CDADC1: variants seen among roughly 807,000 people sequenced by gnomAD.
CDADC1 encodes cytidine and dCMP deaminase domain containing 1, also known as dCTP deaminase.
In CDADC1, 39 loss-of-function variants were observed where a neutral mutation model predicts 54.9. That is an observed-to-expected ratio of 0.71 (90% CI 0.55 to 0.93). The LOEUF (loss-of-function observed/expected upper bound fraction) is 0.93. CDADC1 is among the 40% of genes least tolerant of loss of function. The probability of loss-of-function intolerance (pLI) is 0.00; values close to 1 mark genes in which losing one functional copy is unlikely to be tolerated. For missense variants in CDADC1, 518 were observed against 618.8 expected (o/e 0.84, Z 1.73); for synonymous variants, 186 against 204.0 (o/e 0.91, Z 0.75).
At chr13:49,280,833 A>AT (rs376301531) in intron 8 of CDADC1, 135 bp downstream of exon 8, 1 of 177,944 alleles carries the variant, frequency 5.6e-6, no homozygotes, top group African/African-American at 3.0e-5. Flanking sequence ...TATTATTATT[A>AT]TTTTATTATT....
rs1217564894 is a variant in CDADC1, at chr13:49,291,695, A to C, written c.1483A>C (p.Arg495=). The change falls in exon 10 of 10, where the codon AGA becomes CGA. Residue 495 remains arginine (R), a synonymous_variant. Coordinates refer to ENST00000251108, the MANE Select transcript of CDADC1 (RefSeq NM_030911.4). ...ATTCTCAATGCTAGATGGTGTGTTGAGACCTGTCCCACAGAAGGAAGAGCA... is the reference window on the plus strand; with the variant it reads ...ATTCTCAATGCTAGATGGTGTGTTGCGACCTGTCCCACAGAAGGAAGAGCA... ...EPERRENGVL[R]PVPQKEEQHQ... is the part of the protein sequence containing the mutation. 3 of 1,614,022 alleles carry C rather than the reference A, an allele frequency of 1.9e-6. No homozygotes were observed. Among genetic ancestry groups the C allele is most frequent in the African/African-American group, 2.7e-5 (2 of 75,028 alleles).
Position 49,259,529 on chromosome 13 carries a change from T to C in CDADC1, c.430+6T>C. Reference sequence around the variant, plus strand: ...TTTGAAAATGATTGTAAATGGTAAGTGCAGAAAAGGGTTTGTTGGGGATTA... The same window carrying C: ...TTTGAAAATGATTGTAAATGGTAAGCGCAGAAAAGGGTTTGTTGGGGATTA... On this transcript the variant is annotated splice_donor_region_variant and intron_variant, in intron 4 of 9. Transcript: ENST00000251108. 1 of 1,613,080 alleles carries C rather than the reference T, an allele frequency of 6.2e-7. No homozygotes were observed. The highest frequency in any genetic ancestry group is 8.5e-7 in the Non-Finnish European group (1 of 1,179,150).
intron 4 of CDADC1, 60 bp downstream of exon 4, chr13:49,259,583 G>GT: frequency 6.6e-7 from 1 of 1,509,062 alleles, no homozygotes; most frequent in Non-Finnish European, 9.1e-7. Context: ...GGGCGTGGTG[G>GT]TTTATGCCTG....
At position 49,278,402 on chromosome 13, in the gene CDADC1, CT is replaced by C; in HGVS notation, c.1107del (p.Pro370LeufsTer21). 4 of 1,602,302 alleles carry C rather than the reference CT, an allele frequency of 2.5e-6. No individual in the cohort carries two copies. The highest frequency in any genetic ancestry group is 3.4e-6 in the Non-Finnish European group (4 of 1,171,312). On this transcript the variant is annotated frameshift_variant, in exon 7 of 10. Coordinates refer to ENST00000251108, the MANE Select transcript of CDADC1 (RefSeq NM_030911.4). LOFTEE classifies it high-confidence loss of function. ...AMYFVGCGYNAFPVGSEYADF... is the reference protein window; with the variant it reads ...AMYFVGCGYNXFPVGSEYADF... ...TACTTTGTAGGATGTGGTTACAATG[CT>C]TTTCCTGTTGGATCTGAGTATGCTG...
intron 2 of CDADC1, among the ~76,000 whole-genome samples, chr13:49,253,739 G>A (rs1047242369): frequency 3.3e-5 from 5 of 151,988 alleles, no homozygotes; most frequent in African/African-American, 1.2e-4. Context: ...TAGAGATGTG[G>A]TCTTGCCATG....
In CDADC1 at chr13:49,260,890, A is replaced by G. The variant is rs372073771; in HGVS notation, c.430+1367A>G. 5.3e-5 allele frequency among the ~76,000 whole-genome samples: 8 copies of G among 152,310 alleles called. No individual in the cohort carries two copies. In the East Asian group the frequency reaches 9.6e-4, roughly 18 times the overall value. ...AGAGGAGAAATAGTGATCCCTGCAG[A>G]TTTCCATATTATGAAAGGCTGGGGC... On this transcript the variant is annotated intron_variant, in intron 4 of 9. Transcript: ENST00000251108.
Position 49,267,996 on chromosome 13 carries a change from A to G in CDADC1, c.937A>G (p.Ser313Gly). ...ACAGATTAATGAAATTCACAATCAA[A>G]GTTTGCCACAGGAAATTGCAAGGCA... The part of the protein sequence containing the change: ...PEQINEIHNQ[S>G]LPQEIARHCM... Residue 313 changes from serine (S) to glycine (G), a missense_variant, in exon 5 of 10, where the codon AGT (serine) becomes GGT (glycine). Transcript: ENST00000251108. 2.5e-6 allele frequency: 4 copies of G among 1,614,020 alleles called. No homozygotes were observed. The highest frequency in any genetic ancestry group is 3.4e-6 in the Non-Finnish European group (4 of 1,180,022).
At chr13:49,248,351 C>G in intron 1 of CDADC1, 1 of 496,786 alleles carries the variant, frequency 2.0e-6, no homozygotes. Context: ...CTCACAGGAC[C>G]TAGAGCTGGG....
chr13:49,280,623 T>G lies in CDADC1; in HGVS notation c.1335T>G (p.Asp445Glu), dbSNP rs1953293584. The change falls in exon 8 of 10, where the codon GAT (aspartate) becomes GAG (glutamate). Residue 445 changes from aspartate (D) to glutamate (E), a missense_variant. Asp to Glu is a conservative substitution (Grantham distance 45). Coordinates refer to ENST00000251108, the MANE Select transcript of CDADC1 (RefSeq NM_030911.4). ...GAGIKQIYAG[D>E]VDVGKKKADI... The stretch of plus-strand genomic sequence containing the variant: ...GCATAAAACAAATCTATGCAGGAGA[T>G]GTAGATGTTGGAAAAAAGAAGGCAG... The G allele has an allele frequency of 6.2e-7, 1 of 1,601,992 alleles. No individual in the cohort carries two copies. Among genetic ancestry groups the G allele is most frequent in the African/African-American group, 1.3e-5 (1 of 74,398 alleles).
intron 6 of CDADC1, among the ~76,000 whole-genome samples, chr13:49,276,050 A>T (rs1953125357): frequency 6.6e-6 from 1 of 152,178 alleles, no homozygotes. Context: ...TACAGGTGTG[A>T]ACCACTGCAA....
At chr13:49,251,056 G>A (rs1188939999) in intron 2 of CDADC1, among the ~76,000 whole-genome samples, 1 of 151,808 alleles carries the variant, frequency 6.6e-6, no homozygotes, top group Non-Finnish European at 1.5e-5. Flanking sequence ...GTTTTGTTTT[G>A]TTTTGTTTTC....
rs774655558 is a variant in CDADC1, at chr13:49,267,980, T to C, written c.921T>C (p.Asn307=). Residue 307 remains asparagine (N), a synonymous_variant, in exon 5 of 10, where the codon AAT becomes AAC. Coordinates refer to ENST00000251108, the MANE Select transcript of CDADC1 (RefSeq NM_030911.4). ...ACCGTAGCAATCCAGAACAGATTAATGAAATTCACAATCAAAGTTTGCCAC... is the reference window on the plus strand; with the variant it reads ...ACCGTAGCAATCCAGAACAGATTAACGAAATTCACAATCAAAGTTTGCCAC... ...GFYRSNPEQI[N]EIHNQSLPQE... 1.9e-6 allele frequency: 3 copies of C among 1,614,096 alleles called. No individual in the cohort carries two copies. Among genetic ancestry groups the C allele is most frequent in the Non-Finnish European group, 2.5e-6 (3 of 1,180,006 alleles).
chr13:49,256,789 C>G (rs58573539), intron 3 of CDADC1, among the ~76,000 whole-genome samples: 1,633 of 152,224 alleles, frequency 0.011, 23 homozygotes, highest in African/African-American at 0.037. Context: ...TTTCCTAATT[C>G]ATTCTGAGAG....
intron 2 of CDADC1, among the ~76,000 whole-genome samples, chr13:49,255,143 T>C (rs1039006218): frequency 1.3e-5 from 2 of 152,180 alleles, no homozygotes; most frequent in Non-Finnish European, 2.9e-5. Flanking sequence ...CCTGTGGAGA[T>C]TGTCTGTTTT....
intron 2 of CDADC1, among the ~76,000 whole-genome samples, chr13:49,253,455 G>C (rs1593788428): frequency 6.6e-6 from 1 of 152,152 alleles, no homozygotes; most frequent in African/African-American, 2.4e-5. Context: ...TAGTAATTTA[G>C]AGTAGCCAGT....
At chr13:49,265,884 C>G in intron 4 of CDADC1, 1 of 1,302,164 alleles carries the variant, frequency 7.7e-7, no homozygotes, top group Non-Finnish European at 1.0e-6. Context: ...ATCAGGATTA[C>G]TGGAAGCAGC....
chr13:49,251,016 A>G (rs369745975), intron 2 of CDADC1, among the ~76,000 whole-genome samples: 5 of 152,166 alleles, frequency 3.3e-5, no homozygotes, highest in African/African-American at 1.2e-4. Flanking sequence ...CCAAGCTGTT[A>G]GGGATTTTAT....
At chr13:49,262,787 G>A (rs1308165459) in intron 4 of CDADC1, among the ~76,000 whole-genome samples, 1 of 152,016 alleles carries the variant, frequency 6.6e-6, no homozygotes, top group African/African-American at 2.4e-5. Flanking sequence ...CTCAGCCTCC[G>A]AAAGTGCTGG....
intron 4 of CDADC1, 120 bp downstream of exon 4, chr13:49,259,643 G>T: frequency 2.2e-6 from 2 of 911,740 alleles, no homozygotes; most frequent in East Asian, 2.5e-5. Flanking sequence ...CTGAGCCCAG[G>T]AGTTCACAAA....
Sources: allele counts gnomAD v4.1 joint callset (sites outside exome capture counted in the v4.1 genomes callset), GRCh38; gene constraint gnomAD v4.1.1; transcripts MANE v1.5; gene names NCBI Gene and HGNC (gene_info 2026-07-23, HGNC 2026-07-21).